The following KAZN variants were observed in gnomAD, a reference collection of about 807,000 sequenced individuals.
KAZN encodes kazrin.
In KAZN, 40 loss-of-function variants were observed where a neutral mutation model predicts 87.4. The ratio of observed to expected loss-of-function variants is 0.46; its 90% CI spans 0.36 to 0.60. The LOEUF is 0.60. Ranked by LOEUF, KAZN falls within the 20% of genes least tolerant of loss-of-function variation. KAZN has a pLI of 0.00. For missense variants in KAZN, 898 were observed against 1,073.9 expected (o/e 0.84, Z 2.29); for synonymous variants, 466 against 458.3 (o/e 1.02, Z -0.22).
In KAZN at chr1:13,907,085, C is replaced by A. The variant is rs74864201; in HGVS notation, c.91+13329C>A. Among the ~76,000 whole-genome samples the A allele has an allele frequency of 8.4e-3, 1,277 of 152,260 alleles. 11 individuals are homozygous for A. The highest frequency in any genetic ancestry group is 0.029 in the African/African-American group (1,206 of 41,562). ...ATATCTATGTGGGTGATTTTTGTTCCTGCCTCTTTTGATGTGGTGTCTCTG... is the reference window on the plus strand; with the variant it reads ...ATATCTATGTGGGTGATTTTTGTTCATGCCTCTTTTGATGTGGTGTCTCTG... On this transcript the variant is annotated intron_variant, in intron 1 of 16. Transcript: ENST00000636203.
Position 14,626,021 on chromosome 1 carries a change from C to T in KAZN, c.226+26798C>T, listed in dbSNP as rs144890233. Reference sequence around the variant, plus strand: ...GATTTATATCTAGAAGCTCTTCTCCCCTGAGCATGAACTTTAGTTGAAAGA... The same window carrying T: ...GATTTATATCTAGAAGCTCTTCTCCTCTGAGCATGAACTTTAGTTGAAAGA... On this transcript the variant is annotated intron_variant, in intron 1 of 14. Transcript: ENST00000376030. 5.8e-3 allele frequency among the ~76,000 whole-genome samples: 880 copies of T among 152,278 alleles called. 7 individuals are homozygous for T. Among genetic ancestry groups the T allele is most frequent in the African/African-American group, 0.02 (815 of 41,556 alleles).
intron 2 of KAZN, among the ~76,000 whole-genome samples, chr1:15,003,483 C>T (rs1668705565): frequency 6.6e-6 from 1 of 152,088 alleles, no homozygotes; most frequent in South Asian, 2.1e-4. Flanking sequence ...GCAGGTTATC[C>T]CATACCAGTG....
At chr1:14,154,953 T>TTCCTTCCTTCCTTC (rs1553136613) in intron 1 of KAZN, among the ~76,000 whole-genome samples, 2 of 134,882 alleles carry the variant, frequency 1.5e-5, no homozygotes, top group East Asian at 2.3e-4. Flanking sequence ...TTGTAGTTTT[T>TTCCTTCCTTCCTTC]CTTCCTTCCT....
rs61772223 is a variant in KAZN, at chr1:15,081,115, A to T, written c.1223-13065A>T. On this transcript the variant is annotated intron_variant, in intron 8 of 14. Transcript: ENST00000376030. This position sits in a 1 kb window ranked among gnomAD's most constrained non-coding sequence, Gnocchi z 4.1. ...GGCGGGGTTGGCAGAAGATGAGACCACAGAGGAAGGCCTGCTCCCTCCCTC... is the reference window on the plus strand; with the variant it reads ...GGCGGGGTTGGCAGAAGATGAGACCTCAGAGGAAGGCCTGCTCCCTCCCTC... 0.33 allele frequency among the ~76,000 whole-genome samples: 49,534 copies of T among 152,084 alleles called. 9,950 individuals carry two copies. Among genetic ancestry groups the T allele is most frequent in the East Asian group, 0.91 (4,691 of 5,154 alleles).
intron 1 of KAZN, among the ~76,000 whole-genome samples, chr1:14,644,002 C>CTTTT (rs34535562): frequency 1.8e-3 from 111 of 60,356 alleles, no homozygotes; most frequent in East Asian, 2.3e-3. Context: ...CCTTTGCCCA[C>CTTTT]TTTTTTTTTT....
intron 2 of KAZN, among the ~76,000 whole-genome samples, chr1:15,025,767 G>C (rs1208289767): frequency 1.3e-5 from 2 of 152,178 alleles, no homozygotes; most frequent in Non-Finnish European, 2.9e-5. Flanking sequence ...TCAGCCACTT[G>C]TTGGCTGCGC....
intron 2 of KAZN, among the ~76,000 whole-genome samples, chr1:14,330,490 C>T (rs1380133971): frequency 6.6e-6 from 1 of 152,160 alleles, no homozygotes; most frequent in Non-Finnish European, 1.5e-5. Flanking sequence ...TCCCATTAAT[C>T]CCTTGGAAAT....
intron 2 of KAZN, among the ~76,000 whole-genome samples, chr1:14,513,848 T>G (rs1448370261): frequency 6.6e-6 from 1 of 152,122 alleles, no homozygotes; most frequent in East Asian, 1.9e-4. Flanking sequence ...TTTTTCCGCA[T>G]TAATGTAGCA....
At chr1:14,665,555 G>A (rs1639480570) in intron 1 of KAZN, among the ~76,000 whole-genome samples, 1 of 152,104 alleles carries the variant, frequency 6.6e-6, no homozygotes, top group South Asian at 2.1e-4. Flanking sequence ...GGGTGGGTGT[G>A]GGGAGGCAGA....
chr1:14,630,382 T>C (rs960209712), intron 1 of KAZN, among the ~76,000 whole-genome samples: 3 of 152,126 alleles, frequency 2.0e-5, no homozygotes, highest in Admixed American at 2.0e-4. Flanking sequence ...TTAACCGTTG[T>C]CTGTATACTC....
chr1:14,202,458 A>G (rs938679223), intron 2 of KAZN, among the ~76,000 whole-genome samples: 2 of 152,174 alleles, frequency 1.3e-5, no homozygotes, highest in Admixed American at 1.3e-4. Context: ...CTTCTCCTGT[A>G]TTGGAGGAGG....
intron 6 of KAZN, 22 bp downstream of exon 6, chr1:15,060,324 C>T: frequency 4.3e-6 from 7 of 1,613,414 alleles, no homozygotes; most frequent in South Asian, 1.1e-5. Flanking sequence ...AGCAGCGGGG[C>T]CTGGGCCCCT....
At chr1:15,006,539 C>T (rs917872689) in intron 2 of KAZN, among the ~76,000 whole-genome samples, 4 of 152,204 alleles carry the variant, frequency 2.6e-5, no homozygotes, top group Admixed American at 6.5e-5. Flanking sequence ...CGTGTCAGAG[C>T]GGAAGCAGGT....
rs35205953 is a variant in KAZN at position 14,548,035 on chromosome 1, T to TAAA, written c.250-50932_250-50930dup. On this transcript the variant is annotated intron_variant, in intron 2 of 16. Transcript: ENST00000636203. ...AATACACTAATGATAGGTGATGAGC[T>TAAA]AAAAAAAAAAAAAAAAAATTGCAAA... 1.9e-4 allele frequency among the ~76,000 whole-genome samples: 24 copies of TAAA among 124,344 alleles called. No individual in the cohort carries two copies. In the South Asian group the frequency reaches 2.3e-3, roughly 12 times the overall value. 81.6% of individuals were successfully genotyped at this position (124,344 alleles called of 152,430 possible).
At chr1:14,206,843 C>T (rs928174274) in intron 2 of KAZN, among the ~76,000 whole-genome samples, 1 of 151,830 alleles carries the variant, frequency 6.6e-6, no homozygotes, top group South Asian at 2.1e-4. Context: ...CAGCCATTCT[C>T]CTATAACCGA....
At chr1:14,482,904 T>C (rs1380808078) in intron 2 of KAZN, among the ~76,000 whole-genome samples, 1 of 152,212 alleles carries the variant, frequency 6.6e-6, no homozygotes, top group Non-Finnish European at 1.5e-5. Context: ...ACTTACTAGC[T>C]GGGCAAGTAT....
chr1:14,621,611 CT>C (rs1214012377), intron 1 of KAZN, among the ~76,000 whole-genome samples: 1 of 152,152 alleles, frequency 6.6e-6, no homozygotes, highest in Non-Finnish European at 1.5e-5. Context: ...CAAATCTCAC[CT>C]TGAATTGTAA....
At chr1:14,288,861 C>T (rs1252174617) in intron 2 of KAZN, among the ~76,000 whole-genome samples, 1 of 152,180 alleles carries the variant, frequency 6.6e-6, no homozygotes, top group Non-Finnish European at 1.5e-5. Flanking sequence ...AAATGTGTCC[C>T]AGAGATTCTG....
At chr1:14,316,378 A>G (rs55798916) in intron 2 of KAZN, among the ~76,000 whole-genome samples, 1 of 150,564 alleles carries the variant, frequency 6.6e-6, no homozygotes, top group Non-Finnish European at 1.5e-5. Context: ...CCATAATATC[A>G]TTTTAATATC....
Sources: gnomAD v4.1 joint callset for allele counts (sites outside exome capture counted in the v4.1 genomes callset) on GRCh38, gnomAD v4.1.1 for gene constraint, Gnocchi (gnomAD v3.1) non-coding constraint, MANE v1.5 for transcripts, NCBI Gene and HGNC (gene_info 2026-07-23, HGNC 2026-07-21) for gene names.